NKAIN2: variants seen among roughly 807,000 people sequenced by gnomAD.
The protein encoded by NKAIN2 is sodium/potassium-transporting ATPase subunit beta-1-interacting protein 2.
A neutral mutation model predicts 32.6 loss-of-function variants in NKAIN2; 14 were observed. That is an observed-to-expected ratio of 0.43 (90% CI 0.28 to 0.67). The LOEUF (loss-of-function observed/expected upper bound fraction) is 0.67. NKAIN2 is among the 30% of genes least tolerant of loss of function. NKAIN2 has a pLI of 0.17. For synonymous variants in NKAIN2, 80 were observed against 87.2 expected (o/e 0.92, Z 0.46); for missense variants, 198 against 258.3 (o/e 0.77, Z 1.60).
At chr6:124,412,888 C>G (rs1021559701) in intron 3 of NKAIN2, among the ~76,000 whole-genome samples, 7 of 152,168 alleles carry the variant, frequency 4.6e-5, no homozygotes, top group African/African-American at 7.2e-5. Flanking sequence ...CGCCCCTCCC[C>G]GAGCCTCCCT....
In NKAIN2 at chr6:123,964,207, A is replaced by C. The variant is rs563268180; in HGVS notation, c.54+159953A>C. On this transcript the variant is annotated intron_variant, in intron 1 of 6. Transcript: ENST00000368417. The surrounding 1 kb of genome is among the most constrained non-coding windows in gnomAD (Gnocchi z 4.0). ...TGTTTTCTTTATTTATTTCAAGACT[A>C]TCTCTCCCTACAAGTTTTACCTGCT... 1.3e-5 allele frequency among the ~76,000 whole-genome samples: 2 copies of C among 152,132 alleles called. No homozygotes were observed. Among genetic ancestry groups the C allele is most frequent in the Admixed American group, 6.5e-5 (1 of 15,268 alleles).
Position 124,264,099 on chromosome 6 carries a change from A to G in NKAIN2, c.55-18906A>G, listed in dbSNP as rs577596756. 1.4e-4 allele frequency among the ~76,000 whole-genome samples: 21 copies of G among 152,350 alleles called. 1 individual carries two copies. Among genetic ancestry groups the G allele is most frequent in the African/African-American group, 5.0e-4 (21 of 41,588 alleles). ...GCTCATATGGGTTTAAGGCATCACA[A>G]TTCACAAAGTAAAAGTTTATTTTAA... On this transcript the variant is annotated intron_variant, in intron 1 of 6. Transcript: ENST00000368417.
At chr6:124,103,108 G>A (rs1422253692) in intron 1 of NKAIN2, among the ~76,000 whole-genome samples, 1 of 152,034 alleles carries the variant, frequency 6.6e-6, no homozygotes, top group Non-Finnish European at 1.5e-5. Context: ...TTACTTATCT[G>A]TAAAATAAAA....
At chr6:124,020,368 A>T (rs1780809491) in intron 1 of NKAIN2, among the ~76,000 whole-genome samples, 1 of 152,074 alleles carries the variant, frequency 6.6e-6, no homozygotes, top group South Asian at 2.1e-4. Flanking sequence ...CCTTTGCCTC[A>T]TTTCTTCTTA....
intron 3 of NKAIN2, among the ~76,000 whole-genome samples, chr6:124,575,696 T>C (rs1224551559): frequency 6.6e-6 from 1 of 152,080 alleles, no homozygotes; most frequent in Non-Finnish European, 1.5e-5. Flanking sequence ...CTAAGGAAGG[T>C]TTTTTCCTTG....
intron 1 of NKAIN2, among the ~76,000 whole-genome samples, chr6:124,139,983 C>T (rs1787054793): frequency 6.6e-6 from 1 of 152,092 alleles, no homozygotes; most frequent in African/African-American, 2.4e-5. Flanking sequence ...TTTTTATTTT[C>T]TTCACTGGAA....
intron 1 of NKAIN2, among the ~76,000 whole-genome samples, chr6:123,940,501 C>T (rs1259320055): frequency 6.6e-6 from 1 of 151,982 alleles, no homozygotes; most frequent in African/African-American, 2.4e-5. Flanking sequence ...CTAGATGGTA[C>T]AGCCTACTAC....
chr6:124,590,520 T>G (rs1347332692), intron 3 of NKAIN2, among the ~76,000 whole-genome samples: 1 of 140,424 alleles, frequency 7.1e-6, no homozygotes, highest in Non-Finnish European at 1.6e-5. Context: ...AACGGGAACA[T>G]GAGAGCCGAT....
intron 3 of NKAIN2, among the ~76,000 whole-genome samples, chr6:124,448,225 T>G (rs1775971940): frequency 6.6e-6 from 1 of 152,140 alleles, no homozygotes; most frequent in Non-Finnish European, 1.5e-5. Context: ...CTATGATTAC[T>G]ATTGATTAAG....
chr6:123,881,377 A>C (rs998231318), intron 1 of NKAIN2, among the ~76,000 whole-genome samples: 28 of 152,322 alleles, frequency 1.8e-4, no homozygotes, highest in African/African-American at 6.5e-4. Context: ...GTTTGTAAAT[A>C]GCAAGAATGG....
At chr6:124,084,154 G>A (rs909139706) in intron 1 of NKAIN2, among the ~76,000 whole-genome samples, 2 of 151,858 alleles carry the variant, frequency 1.3e-5, no homozygotes, top group Admixed American at 6.6e-5. Context: ...GGAACAGATT[G>A]GAGTGGATTA....
intron 1 of NKAIN2, among the ~76,000 whole-genome samples, chr6:124,107,361 T>C (rs764146809): frequency 1.8e-4 from 27 of 152,118 alleles, no homozygotes; most frequent in Non-Finnish European, 3.7e-4. Flanking sequence ...AGAAAACCAA[T>C]TGTAGGAAAA....
intron 3 of NKAIN2, among the ~76,000 whole-genome samples, chr6:124,655,403 ACT>A (rs921182599): frequency 6.6e-6 from 1 of 151,810 alleles, no homozygotes; most frequent in African/African-American, 2.4e-5. Flanking sequence ...TTATGACAAG[ACT>A]CTTTTTTTTG....
At chr6:124,631,702 C>T (rs1357510016) in intron 3 of NKAIN2, among the ~76,000 whole-genome samples, 1 of 152,026 alleles carries the variant, frequency 6.6e-6, no homozygotes. Context: ...CAGGAGTTAA[C>T]TATAAAGGAG....
At chr6:124,679,564 G>T (rs1468902462) in intron 4 of NKAIN2, among the ~76,000 whole-genome samples, 2 of 152,052 alleles carry the variant, frequency 1.3e-5, no homozygotes, top group Non-Finnish European at 2.9e-5. Context: ...AATCACCTGG[G>T]GTTTAGCAGT....
intron 3 of NKAIN2, among the ~76,000 whole-genome samples, chr6:124,581,457 A>G (rs1354837909): frequency 2.0e-5 from 3 of 150,760 alleles, no homozygotes. Flanking sequence ...AAAAAAAAAA[A>G]AAAAAAAAAA....
intron 3 of NKAIN2, among the ~76,000 whole-genome samples, chr6:124,364,775 G>A (rs1455758423): frequency 6.6e-6 from 1 of 151,804 alleles, no homozygotes; most frequent in Non-Finnish European, 1.5e-5. Flanking sequence ...ACCCCAGAGA[G>A]AAAAAGGGAA....
chr6:124,424,961 T>A (rs755117642), intron 3 of NKAIN2, among the ~76,000 whole-genome samples: 4 of 152,194 alleles, frequency 2.6e-5, no homozygotes, highest in Non-Finnish European at 4.4e-5. Context: ...GTTCTATTTT[T>A]AATTTTTTGA....
intron 1 of NKAIN2, among the ~76,000 whole-genome samples, chr6:124,066,372 TCTC>T (rs1456047591): frequency 6.6e-6 from 1 of 152,194 alleles, no homozygotes; most frequent in Non-Finnish European, 1.5e-5. Context: ...TTGTGTCTCT[TCTC>T]CTTTTCTGGT....
Sources: allele counts gnomAD v4.1 joint callset (sites outside exome capture counted in the v4.1 genomes callset), GRCh38; gene constraint gnomAD v4.1.1; non-coding constraint Gnocchi (gnomAD v3.1); transcripts MANE v1.5; gene names NCBI Gene and HGNC (gene_info 2026-07-23, HGNC 2026-07-21).